Variants in BANK1 observed in about 807,000 individuals in gnomAD.
BANK1 encodes B-cell scaffold protein with ankyrin repeats.
In BANK1, 95 loss-of-function variants were observed where a neutral mutation model predicts 94.5. That is an observed-to-expected ratio of 1.00 (90% CI 0.85 to 1.19). The LOEUF (loss-of-function observed/expected upper bound fraction) is 1.19. Ranked by LOEUF, BANK1 falls within the 50% of genes most tolerant of loss-of-function variation. The pLI is 0.00. For missense variants in BANK1, 987 were observed against 932.2 expected (o/e 1.06, Z -0.77); for synonymous variants, 334 against 308.4 (o/e 1.08, Z -0.87).
chr4:101,989,264 A>G (rs928795920), intron 7 of BANK1, among the ~76,000 whole-genome samples: 1 of 151,826 alleles, frequency 6.6e-6, no homozygotes, highest in Admixed American at 6.6e-5. Context: ...TCAACATGGC[A>G]ATACCCCGTC....
chr4:101,796,617 G>C (rs1725164084), intron 1 of BANK1, among the ~76,000 whole-genome samples: 1 of 152,134 alleles, frequency 6.6e-6, no homozygotes, highest in Non-Finnish European at 1.5e-5. Flanking sequence ...TAAATCCTTA[G>C]AGCTGGAGAG....
chr4:102,035,590 G>A (rs1466354531), intron 10 of BANK1, among the ~76,000 whole-genome samples: 1 of 150,338 alleles, frequency 6.7e-6, no homozygotes, highest in Non-Finnish European at 1.5e-5. Flanking sequence ...AGAGCTTGCA[G>A]TGATCCGAGA....
chr4:101,822,606 T>C (rs1392045381), intron 1 of BANK1, among the ~76,000 whole-genome samples: 1 of 151,248 alleles, frequency 6.6e-6, no homozygotes, highest in Non-Finnish European at 1.5e-5. Context: ...AGTGTTGTCT[T>C]GGAATCAATA....
chr4:102,048,684 A>G (rs1486288494), intron 11 of BANK1, among the ~76,000 whole-genome samples: 4 of 152,182 alleles, frequency 2.6e-5, no homozygotes, highest in East Asian at 1.9e-4. Flanking sequence ...CTCTTCCTCT[A>G]TATGCTGGAG....
At chr4:101,881,788 C>T (rs1394259022) in intron 5 of BANK1, among the ~76,000 whole-genome samples, 2 of 152,002 alleles carry the variant, frequency 1.3e-5, no homozygotes, top group Non-Finnish European at 2.9e-5. Flanking sequence ...AACTGGAGGA[C>T]GGTATGCTTA....
intron 2 of BANK1, among the ~76,000 whole-genome samples, chr4:101,848,053 T>C (rs1471517910): frequency 6.6e-6 from 1 of 152,124 alleles, no homozygotes; most frequent in Admixed American, 6.5e-5. Flanking sequence ...CTCCTCTACC[T>C]CGGTGTTTTG....
At position 102,025,247 on chromosome 4, in the gene BANK1, G is replaced by A. The variant is rs1407881341; in HGVS notation, c.1332G>A (p.Gly444=). The A allele has an allele frequency of 6.2e-7, 1 of 1,613,990 alleles. No individual in the cohort carries two copies. The highest frequency in any genetic ancestry group is 1.3e-5 in the African/African-American group (1 of 74,884). ...AFHHESRKTY[G]QSADGAEANE... Reference sequence around the variant, plus strand: ...ATCATGAAAGCAGGAAGACATACGGGCAGAGTGCAGATGGAGCTGAGGCAA... The same window carrying A: ...ATCATGAAAGCAGGAAGACATACGGACAGAGTGCAGATGGAGCTGAGGCAA... The change falls in exon 9 of 17, where the codon GGG becomes GGA. Residue 444 remains glycine (G), a synonymous_variant. Coordinates refer to ENST00000322953, the MANE Select transcript of BANK1 (RefSeq NM_017935.5).
intron 7 of BANK1, among the ~76,000 whole-genome samples, chr4:102,000,970 T>G (rs1170251492): frequency 6.6e-6 from 1 of 152,126 alleles, no homozygotes; most frequent in African/African-American, 2.4e-5. Flanking sequence ...TTCCAAAGTA[T>G]TAAACTAAGC....
At chr4:102,048,504 C>A (rs1473270921) in intron 11 of BANK1, among the ~76,000 whole-genome samples, 1 of 152,064 alleles carries the variant, frequency 6.6e-6, no homozygotes, top group Non-Finnish European at 1.5e-5. Flanking sequence ...CTTCAAATAT[C>A]CTGGGATTTC....
At chr4:101,956,578 C>T (rs1724353155) in intron 7 of BANK1, among the ~76,000 whole-genome samples, 1 of 152,088 alleles carries the variant, frequency 6.6e-6, no homozygotes, top group Non-Finnish European at 1.5e-5. Context: ...TAGAATGTAG[C>T]ACTTGAGGAT....
intron 5 of BANK1, among the ~76,000 whole-genome samples, chr4:101,882,561 G>A (rs989870158): frequency 3.9e-5 from 6 of 152,136 alleles, no homozygotes; most frequent in Admixed American, 2.0e-4. Flanking sequence ...TTCCTTTAAT[G>A]GAAAGTGGCT....
At chr4:101,973,003 G>C (rs1168038562) in intron 7 of BANK1, among the ~76,000 whole-genome samples, 1 of 151,916 alleles carries the variant, frequency 6.6e-6, no homozygotes, top group Non-Finnish European at 1.5e-5. Flanking sequence ...GGCAGCTGAT[G>C]GTCACATGAT....
Position 101,865,298 on chromosome 4 carries a change from G to A in BANK1, c.763+2634G>A, listed in dbSNP as rs79860027. The stretch of plus-strand genomic sequence containing the variant: ...CACAAACTAGTAGGAGCACTTAAGT[G>A]TTAATTTTGATGAATGTCTGAAAGC... On this transcript the variant is annotated intron_variant, in intron 4 of 16. Transcript: ENST00000322953. Among the ~76,000 whole-genome samples the A allele has an allele frequency of 2.2e-4, 34 of 152,254 alleles. 1 individual carries two copies. The East Asian group carries it at 6.4e-3, about 29-fold the overall frequency.
At chr4:102,030,323 TG>T (rs2148950716) in intron 10 of BANK1, 58 bp downstream of exon 10, 1 of 1,484,694 alleles carries the variant, frequency 6.7e-7, no homozygotes, top group Non-Finnish European at 9.0e-7. Flanking sequence ...ATTTTGAGGA[TG>T]GGAGGAGGGG....
At chr4:102,016,491 T>A (rs1726705617) in intron 7 of BANK1, among the ~76,000 whole-genome samples, 1 of 152,224 alleles carries the variant, frequency 6.6e-6, no homozygotes, top group South Asian at 2.1e-4. Context: ...CTTCACATTA[T>A]GGCTCCTGAA....
In BANK1 at chr4:101,908,066, A is replaced by C. The variant is rs1364402340; in HGVS notation, c.1010-9927A>C. 2.6e-5 allele frequency among the ~76,000 whole-genome samples: 4 copies of C among 152,372 alleles called. No homozygotes were observed. In the East Asian group the frequency reaches 7.7e-4, roughly 29 times the overall value. On this transcript the variant is annotated intron_variant, in intron 6 of 16. Transcript: ENST00000322953. ...ATTGGAAAAAACTACTTTAAAGGTCATATGGAACCAAAAAAGAGCCCGCAT... is the reference window on the plus strand; with the variant it reads ...ATTGGAAAAAACTACTTTAAAGGTCCTATGGAACCAAAAAAGAGCCCGCAT...
chr4:101,830,236 TTTTA>T (rs748198015), intron 2 of BANK1, 30 bp downstream of exon 2: 3 of 1,402,552 alleles, frequency 2.1e-6, no homozygotes, highest in Non-Finnish European at 2.8e-6. Flanking sequence ...TTTGTTTTAT[TTTTA>T]TTTGTTTTTT....
intron 1 of BANK1, among the ~76,000 whole-genome samples, chr4:101,828,949 G>T (rs984709202): frequency 6.6e-6 from 1 of 151,684 alleles, no homozygotes; most frequent in African/African-American, 2.4e-5. Context: ...TGCAAACTCC[G>T]CCTCCTGGGT....
intron 2 of BANK1, among the ~76,000 whole-genome samples, chr4:101,846,822 A>C (rs559965514): frequency 1.3e-5 from 2 of 152,270 alleles, no homozygotes; most frequent in South Asian, 2.1e-4. Flanking sequence ...TTTGTGTAGG[A>C]ACACAGAGCC....
Sources: gnomAD v4.1 joint callset for allele counts (sites outside exome capture counted in the v4.1 genomes callset) on GRCh38, gnomAD v4.1.1 for gene constraint, MANE v1.5 for transcripts, NCBI Gene and HGNC (gene_info 2026-07-23, HGNC 2026-07-21) for gene names.